WLS: variants seen among roughly 807,000 people sequenced by gnomAD.
The protein encoded by WLS is Wnt ligand secretion mediator, also known as protein wntless homolog.
WLS carries 23 observed loss-of-function variants against 62.8 expected under a neutral mutation model. That is an observed-to-expected ratio of 0.37 (90% CI 0.26 to 0.52). The LOEUF (loss-of-function observed/expected upper bound fraction) is 0.52. Ranked by LOEUF, WLS falls within the 20% of genes least tolerant of loss-of-function variation. The pLI, the probability that WLS is intolerant of heterozygous loss-of-function variation, is 0.92. For synonymous variants in WLS, 246 were observed against 244.1 expected, an observed-to-expected ratio of 1.01 and a Z score of -0.07; for missense variants, 615 against 697.3, an observed-to-expected ratio of 0.88 and a Z score of 1.33.
intron 10 of WLS, among the ~76,000 whole-genome samples, chr1:68,141,212 G>A (rs1056055466): frequency 2.0e-5 from 3 of 152,042 alleles, no homozygotes; most frequent in Admixed American, 1.3e-4. Flanking sequence ...CTCTCTTACC[G>A]GAAACATTTC....
At chr1:68,184,992 A>G (rs1021744868) in intron 2 of WLS, among the ~76,000 whole-genome samples, 1 of 152,256 alleles carries the variant, frequency 6.6e-6, no homozygotes, top group South Asian at 2.1e-4. Flanking sequence ...CATAATCAAC[A>G]TAACACAGAC....
At chr1:68,103,128 T>C (rs188960321) in intron 11 of WLS, among the ~76,000 whole-genome samples, 2 of 152,312 alleles carry the variant, frequency 1.3e-5, no homozygotes, top group Admixed American at 6.5e-5. Context: ...TGCATACCTC[T>C]GTGAATTACA....
In WLS at chr1:68,126,165, C is replaced by T. The variant is rs1249039047; in HGVS notation, c.*61G>A. The T allele has an allele frequency of 8.7e-6, 14 of 1,600,150 alleles. No individual in the cohort carries two copies. Among genetic ancestry groups the T allele is most frequent in the Non-Finnish European group, 1.2e-5 (14 of 1,173,256 alleles). On this transcript the variant is annotated 3_prime_UTR_variant, in exon 12 of 12. Transcript: ENST00000262348. ...ACATTGAGCTCTCTCTGGCATGCTC[C>T]CCACTCTAGTTAGAGGGGCTGGGGT...
At chr1:68,124,131 C>G (rs1002058655), downstream of WLS, among the ~76,000 whole-genome samples, 2 of 152,210 alleles carry the variant, frequency 1.3e-5, no homozygotes. Flanking sequence ...AACATTCAAA[C>G]CTTGTGCATT....
intron 11 of WLS, among the ~76,000 whole-genome samples, chr1:68,117,985 G>C (rs950860595): frequency 3.7e-4 from 56 of 150,766 alleles, no homozygotes; most frequent in African/African-American, 1.3e-3. Context: ...AAAAAAAACA[G>C]AATTTTTAAA....
chr1:68,130,304 G>A (rs1376117789), intron 11 of WLS, among the ~76,000 whole-genome samples: 1 of 152,132 alleles, frequency 6.6e-6, no homozygotes, highest in Non-Finnish European at 1.5e-5. Context: ...TAAGGCCTAC[G>A]TACTTCCATC....
intron 11 of WLS, among the ~76,000 whole-genome samples, chr1:68,118,479 C>T (rs1469026112): frequency 6.6e-6 from 1 of 152,164 alleles, no homozygotes; most frequent in Non-Finnish European, 1.5e-5. Context: ...ATCGCTATCA[C>T]CTTACTATCT....
At chr1:68,163,526 G>C (rs1647016570) in intron 2 of WLS, among the ~76,000 whole-genome samples, 1 of 151,870 alleles carries the variant, frequency 6.6e-6, no homozygotes, top group African/African-American at 2.4e-5. Context: ...CTCGCACACA[G>C]GGACACACAA....
chr1:68,106,646 T>C (rs993740797), intron 11 of WLS, among the ~76,000 whole-genome samples: 1 of 152,148 alleles, frequency 6.6e-6, no homozygotes, highest in Non-Finnish European at 1.5e-5. Context: ...GTGCTTCTCA[T>C]GCATAGACAG....
chr1:68,158,668 C>T (rs71494299), intron 3 of WLS, among the ~76,000 whole-genome samples: 71 of 152,228 alleles, frequency 4.7e-4, no homozygotes, highest in Non-Finnish European at 8.5e-4. Context: ...CATTCAAAGC[C>T]GTCCTGGGCT....
rs138569714 is a variant in WLS, at chr1:68,140,926, C to G, written c.1363-2993G>C. Among the ~76,000 whole-genome samples the G allele has an allele frequency of 1.4e-3, 210 of 152,172 alleles. 2 individuals are homozygous for G. Among genetic ancestry groups the G allele is most frequent in the African/African-American group, 4.8e-3 (198 of 41,506 alleles). ...CTAATGCCAAGGCGGAGGTAACAGTCTCCCCCCTTTTAACTTTGAGAGAAA... is the reference window on the plus strand; with the variant it reads ...CTAATGCCAAGGCGGAGGTAACAGTGTCCCCCCTTTTAACTTTGAGAGAAA... On this transcript the variant is annotated intron_variant, in intron 10 of 11. Transcript: ENST00000262348.
intron 11 of WLS, among the ~76,000 whole-genome samples, chr1:68,113,030 C>T (rs900554139): frequency 7.9e-5 from 12 of 152,188 alleles, no homozygotes; most frequent in African/African-American, 2.2e-4. Context: ...TTGGCCCCAT[C>T]TTAAAGAAAG....
rs905819497 is a variant in WLS at position 68,204,135 on chromosome 1, A to C, written c.107-9908T>G. Among the ~76,000 whole-genome samples, 34 of 152,326 alleles carry C rather than the reference A, an allele frequency of 2.2e-4. 1 individual carries two copies. Among genetic ancestry groups the C allele is most frequent in the African/African-American group, 7.9e-4 (33 of 41,564 alleles). ...TTGTAAGTTAAGGCTAAGGGCAAGT[A>C]AGACCTGTTAATGTCTTTATCTGGA... On this transcript the variant is annotated intron_variant, in intron 1 of 11. Transcript: ENST00000262348.
intron 11 of WLS, among the ~76,000 whole-genome samples, chr1:68,101,363 C>G (rs1646076207): frequency 6.6e-6 from 1 of 152,066 alleles, no homozygotes; most frequent in African/African-American, 2.4e-5. Context: ...AAATAGTTTT[C>G]CTTTGCTCTT....
At chr1:68,099,659 G>A (rs1646052385) in intron 11 of WLS, 1 of 151,990 alleles carries the variant, frequency 6.6e-6, no homozygotes, top group South Asian at 2.1e-4. Context: ...CAATATAAAG[G>A]CTATGGAAAT....
At chr1:68,098,556 T>C in exon 12 of WLS, 1 of 1,569,242 alleles carries the variant, frequency 6.4e-7, no homozygotes, top group Non-Finnish European at 8.7e-7. Flanking sequence ...TGTATTTGTG[T>C]GCGTATACAA....
chr1:68,164,029 T>C (rs1482985685), intron 2 of WLS, among the ~76,000 whole-genome samples: 5 of 152,128 alleles, frequency 3.3e-5, no homozygotes, highest in Admixed American at 6.5e-5. Flanking sequence ...AGATGATCCA[T>C]GGAAGAAGGA....
intron 2 of WLS, chr1:68,186,574 T>C (rs541937071): frequency 6.6e-6 from 3 of 455,864 alleles, no homozygotes; most frequent in South Asian, 4.7e-5. Flanking sequence ...GAATCTCTGA[T>C]AAGCAGGAAG....
At chr1:68,147,257 C>T (rs1646764368) in intron 8 of WLS, among the ~76,000 whole-genome samples, 1 of 152,096 alleles carries the variant, frequency 6.6e-6, no homozygotes, top group Non-Finnish European at 1.5e-5. Context: ...CTAGATTTAA[C>T]ATTAGAAACA....
Sources: allele counts gnomAD v4.1 joint callset (sites outside exome capture counted in the v4.1 genomes callset), GRCh38; gene constraint gnomAD v4.1.1; transcripts MANE v1.5; gene names NCBI Gene and HGNC (gene_info 2026-07-23, HGNC 2026-07-21).